CA10: variants seen among roughly 807,000 people sequenced by gnomAD.
CA10 encodes carbonic anhydrase-related protein 10.
Under a neutral mutation model 44.2 loss-of-function variants are expected in CA10, and 14 were observed. That is an observed-to-expected ratio of 0.32 (90% CI 0.21 to 0.50). The LOEUF (loss-of-function observed/expected upper bound fraction) is 0.50. Among genes scored for constraint, CA10 ranks in the 20% least tolerant of loss-of-function variants. The pLI, the probability that CA10 is intolerant of heterozygous loss-of-function variation, is 0.99. For synonymous variants in CA10, 159 were observed against 141.6 expected (o/e 1.12, Z -0.87); for missense variants, 350 against 409.7 (o/e 0.85, Z 1.26).
rs200233408 is a variant in CA10 at position 51,792,022 on chromosome 17, G to C, written c.280-44204C>G. Among the ~76,000 whole-genome samples, 6 of 152,228 alleles carry C rather than the reference G, an allele frequency of 3.9e-5. No homozygotes were observed. In the East Asian group the frequency reaches 1.2e-3, roughly 29 times the overall value. ...ACAGAGAAACATGCATGATGGGTGG[G>C]GCTGGGAAGGAAGGAGACAACAAGT... On this transcript the variant is annotated intron_variant, in intron 3 of 8. Coordinates refer to ENST00000451037, the MANE Select transcript of CA10 (RefSeq NM_020178.5).
In CA10 at chr17:52,092,122, G is replaced by T. The variant is rs543858054; in HGVS notation, c.62-19729C>A. On this transcript the variant is annotated intron_variant, in intron 1 of 8. Transcript: ENST00000451037. ...CTGTCTCCTTCTGACTCTCTCCTTT[G>T]TCTGTTTCTCCCTCTTCGTGTGCAT... Among the ~76,000 whole-genome samples, 106 of 151,958 alleles carry T rather than the reference G, an allele frequency of 7.0e-4. 1 individual carries two copies. Among genetic ancestry groups the T allele is most frequent in the Non-Finnish European group, 8.8e-4 (60 of 67,954 alleles).
In CA10 at chr17:51,867,329, C is replaced by T. The variant is rs191373726; in HGVS notation, c.279+63661G>A. Among the ~76,000 whole-genome samples, 13 of 152,160 alleles carry T rather than the reference C, an allele frequency of 8.5e-5. No individual in the cohort carries two copies. In the East Asian group the frequency reaches 1.2e-3, roughly 14 times the overall value. The stretch of plus-strand genomic sequence containing the variant: ...AATATTAAGATGGGGTCTAAAAGTG[C>T]CTAAATAGAATTGGAAATAACCTAA... On this transcript the variant is annotated intron_variant, in intron 3 of 8. Transcript: ENST00000451037.
intron 3 of CA10, among the ~76,000 whole-genome samples, chr17:51,913,564 T>C (rs1014970857): frequency 6.6e-6 from 1 of 152,144 alleles, no homozygotes; most frequent in Non-Finnish European, 1.5e-5. Flanking sequence ...TTGGGAACAA[T>C]TTATTTGCTT....
rs139360662 is a variant in CA10 at position 51,649,223 on chromosome 17, C to T, written c.593G>A (p.Arg198Gln). The T allele has an allele frequency of 2.3e-5, 37 of 1,613,106 alleles. No individual in the cohort carries two copies. The highest frequency in any genetic ancestry group is 2.8e-5 in the Non-Finnish European group (33 of 1,179,362). Residue 198 changes from arginine to glutamine, a missense_variant, in exon 6 of 9, where the codon CGA becomes CAA. Arg to Gln is a conservative substitution (Grantham distance 43). Transcript: ENST00000451037. ...TGTGATAGTATCTCTGTTGAGCATT[C>T]GATTAAGAAATGGGTTTGATGAATC... is the stretch of plus-strand genomic sequence containing the variant. ...VSDSSNPFLN[R>Q]MLNRDTITRI...
In CA10 at chr17:52,060,980, C is replaced by T. The variant is rs185663278; in HGVS notation, c.136+11339G>A. Among the ~76,000 whole-genome samples, 4 of 152,208 alleles carry T rather than the reference C, an allele frequency of 2.6e-5. No individual in the cohort carries two copies. The East Asian group carries it at 7.7e-4, about 29-fold the overall frequency. ...ATGAAGTAACATGAGTAAACCAGTA[C>T]TGACAACTATAAAATCATATGTTCA... On this transcript the variant is annotated intron_variant, in intron 2 of 8. Transcript: ENST00000451037.
chr17:51,959,797 G>GAGA (rs1555614224), intron 2 of CA10, among the ~76,000 whole-genome samples: 3 of 112,376 alleles, frequency 2.7e-5, no homozygotes, highest in Non-Finnish European at 5.3e-5. Flanking sequence ...CTGCTAAGAT[G>GAGA]AAAAAAAAAA....
intron 4 of CA10, among the ~76,000 whole-genome samples, chr17:51,716,378 T>A (rs1916114385): frequency 6.6e-6 from 1 of 152,100 alleles, no homozygotes; most frequent in Non-Finnish European, 1.5e-5. Flanking sequence ...GAAGCACACC[T>A]GAGGCAAGAA....
At chr17:51,935,058 C>T (rs1454309607) in intron 2 of CA10, among the ~76,000 whole-genome samples, 2 of 152,072 alleles carry the variant, frequency 1.3e-5, no homozygotes, top group Non-Finnish European at 2.9e-5. Context: ...GAGAAACTTG[C>T]CCTGTGGGTT....
chr17:51,766,357 G>C (rs146569564), intron 3 of CA10, among the ~76,000 whole-genome samples: 6 of 152,284 alleles, frequency 3.9e-5, no homozygotes, highest in African/African-American at 1.4e-4. Flanking sequence ...ATCTAACCAT[G>C]CTGGAAGGCT....
At chr17:51,937,279 A>G (rs1436112074) in intron 2 of CA10, among the ~76,000 whole-genome samples, 1 of 152,122 alleles carries the variant, frequency 6.6e-6, no homozygotes. Context: ...TTCCTCACCA[A>G]TCCTGATTTA....
intron 2 of CA10, among the ~76,000 whole-genome samples, chr17:52,002,456 C>T (rs879472090): frequency 3.3e-5 from 5 of 151,560 alleles, no homozygotes; most frequent in East Asian, 3.9e-4. Flanking sequence ...CTGGGGTCAT[C>T]GAACAGAGAA....
chr17:52,056,140 G>A (rs917508502), intron 2 of CA10, among the ~76,000 whole-genome samples: 9 of 151,960 alleles, frequency 5.9e-5, no homozygotes, highest in East Asian at 1.9e-4. Context: ...CAGGCACAGC[G>A]GGCTGCAAAG....
chr17:51,791,277 C>G (rs1906508447), intron 3 of CA10, among the ~76,000 whole-genome samples: 1 of 152,252 alleles, frequency 6.6e-6, no homozygotes, highest in Non-Finnish European at 1.5e-5. Flanking sequence ...CCTAATAGAA[C>G]AGTTCCCCAT....
chr17:52,116,376 C>T (rs1052642171), intron 1 of CA10, among the ~76,000 whole-genome samples: 1 of 152,048 alleles, frequency 6.6e-6, no homozygotes, highest in African/African-American at 2.4e-5. Flanking sequence ...GTCCATGAAA[C>T]CCCATGAGAC....
chr17:52,054,300 C>T (rs1598189566), intron 2 of CA10, among the ~76,000 whole-genome samples: 1 of 152,014 alleles, frequency 6.6e-6, no homozygotes, highest in South Asian at 2.1e-4. Flanking sequence ...TGAAATAAGC[C>T]CCAGTCTCCT....
chr17:51,914,747 A>T (rs1284311242), intron 3 of CA10, among the ~76,000 whole-genome samples: 1 of 152,110 alleles, frequency 6.6e-6, no homozygotes, highest in Admixed American at 6.6e-5. Flanking sequence ...CCCTGTCTTC[A>T]GTTTCAGTGC....
chr17:51,909,187 C>T (rs972249252), intron 3 of CA10, among the ~76,000 whole-genome samples: 1 of 152,162 alleles, frequency 6.6e-6, no homozygotes, highest in African/African-American at 2.4e-5. Flanking sequence ...ACTGAGATAT[C>T]TCTTTCCTAG....
intron 7 of CA10, among the ~76,000 whole-genome samples, chr17:51,635,374 G>A (rs537349589): frequency 2.1e-4 from 32 of 152,208 alleles, no homozygotes; most frequent in Non-Finnish European, 4.1e-4. Context: ...TTAGCCGGGC[G>A]TGGTGGCACG....
At chr17:51,657,260 A>C (rs1426386856) in intron 4 of CA10, among the ~76,000 whole-genome samples, 1 of 152,322 alleles carries the variant, frequency 6.6e-6, no homozygotes, top group East Asian at 1.9e-4. Context: ...GTAAGAACAC[A>C]GTTTGGGCAT....
Sources: gnomAD v4.1 joint callset for allele counts (sites outside exome capture counted in the v4.1 genomes callset) on GRCh38, gnomAD v4.1.1 for gene constraint, MANE v1.5 for transcripts, NCBI Gene and HGNC (gene_info 2026-07-23, HGNC 2026-07-21) for gene names.